Variants in ITFG2 observed in about 807,000 individuals in gnomAD.
ITFG2 encodes integrin alpha FG-GAP repeat containing 2.
A neutral mutation model predicts 54.4 loss-of-function variants in ITFG2; 36 were observed. That is an observed-to-expected ratio of 0.66 (90% CI 0.51 to 0.87). The LOEUF is 0.87. ITFG2 is among the 40% of genes least tolerant of loss of function. The pLI, the probability that ITFG2 is intolerant of heterozygous loss-of-function variation, is 0.00. For synonymous variants in ITFG2, 211 were observed against 225.4 expected (o/e 0.94, Z 0.57); for missense variants, 524 against 576.7 (o/e 0.91, Z 0.94).
chr12:2,853,552 C>T (rs1356975503), intron 2 of ITFG2, among the ~76,000 whole-genome samples: 8 of 151,942 alleles, frequency 5.3e-5, no homozygotes, highest in African/African-American at 1.7e-4. Context: ...GGATTACAGG[C>T]GTGAGCCACC....
downstream of ITFG2, chr12:2,830,979 C>G (rs2097999733): frequency 4.9e-6 from 5 of 1,020,018 alleles, no homozygotes; most frequent in East Asian, 1.3e-4. Flanking sequence ...CTGAGCCTTA[C>G]CCTAGGAGTT....
At chr12:2,855,031 ATGT>A in intron 2 of ITFG2, 2 of 1,535,998 alleles carry the variant, frequency 1.3e-6, no homozygotes, top group Admixed American at 3.9e-5. Flanking sequence ...CTTCCTTTTC[ATGT>A]CCACAAACGT....
At chr12:2,838,199 G>C (rs1021815029) in intron 1 of ITFG2, among the ~76,000 whole-genome samples, 3 of 152,138 alleles carry the variant, frequency 2.0e-5, no homozygotes, top group East Asian at 1.9e-4. Context: ...ATCTATAATT[G>C]ATAGATTATT....
chr12:2,835,016 G>C (rs372015047), upstream of ITFG2: 3 of 1,520,142 alleles, frequency 2.0e-6, no homozygotes, highest in African/African-American at 4.1e-5. Flanking sequence ...CCAATTTCCC[G>C]AGATTGCTGT....
rs2097911935 is a variant in ITFG2, at chr12:2,812,798, A to G, written c.38A>G (p.Glu13Gly). ...AGCTACGTGCAGCGCGTGGCGCTGG[A>G]GTTCAGCGGGAGCCTCTTCCCGCAC... is the stretch of plus-strand genomic sequence containing the variant. ...SVSYVQRVAL[E>G]FSGSLFPHAI... Residue 13 changes from glutamate (E) to glycine (G), a missense_variant, in exon 1 of 12, where the codon GAG becomes GGG. By Grantham distance (98) the Glu-to-Gly change is moderately conservative. Coordinates refer to ENST00000228799, the MANE Select transcript of ITFG2 (RefSeq NM_018463.4). The G allele has an allele frequency of 3.7e-6, 6 of 1,612,564 alleles. No homozygotes were observed. The highest frequency in any genetic ancestry group is 5.1e-6 in the Non-Finnish European group (6 of 1,178,846).
chr12:2,845,470 C>G lies in ITFG2; in HGVS notation n.300+4475C>G, dbSNP rs143806464. ...AAGCTCCCAGCAGCTCAGGAACTTG[C>G]GTCAGCAGCTCAGGTCATGACACCA... On this transcript the variant is annotated intron_variant and non_coding_transcript_variant, in intron 2 of 3. Transcript: ENST00000537710. This position sits in a 1 kb window ranked among gnomAD's most constrained non-coding sequence, Gnocchi z 4.2. 6.6e-6 allele frequency among the ~76,000 whole-genome samples: 1 copy of G among 152,064 alleles called. No individual in the cohort carries two copies. Among genetic ancestry groups the G allele is most frequent in the East Asian group, 1.9e-4 (1 of 5,182 alleles).
chr12:2,855,255 G>A (rs531686897), intron 2 of ITFG2: 157 of 1,510,088 alleles, frequency 1.0e-4, no homozygotes, highest in Middle Eastern at 3.4e-4. Flanking sequence ...TGTGCTGGGC[G>A]CCACCCTTCC....
chr12:2,834,736 C>T (rs142508945), upstream of ITFG2: 273 of 1,614,014 alleles, frequency 1.7e-4, 1 homozygote, highest in African/African-American at 2.5e-3. Context: ...TTTGAGCCGG[C>T]GCTGCTGGCT....
At chr12:2,830,800 C>G in intron 2 of ITFG2, 16 of 1,613,734 alleles carry the variant, frequency 9.9e-6, no homozygotes, top group Non-Finnish European at 1.4e-5. Context: ...CGGGGAGGCT[C>G]CCCCTGAAGC....
At chr12:2,840,104 CAAAA>C (rs59246625) in intron 1 of ITFG2, among the ~76,000 whole-genome samples, 1 of 104,870 alleles carries the variant, frequency 9.5e-6, no homozygotes, top group African/African-American at 3.5e-5. Context: ...TGAATCTAAC[CAAAA>C]AAAAAAAAAA....
chr12:2,840,088 G>A (rs1299291003), intron 1 of ITFG2, among the ~76,000 whole-genome samples: 1 of 146,708 alleles, frequency 6.8e-6, no homozygotes, highest in East Asian at 2.0e-4. Flanking sequence ...CCGCACATGT[G>A]CCCCCTGAAT....
intron 2 of ITFG2, among the ~76,000 whole-genome samples, chr12:2,844,426 C>T (rs146444725): frequency 3.8e-4 from 58 of 152,122 alleles, no homozygotes; most frequent in Non-Finnish European, 7.1e-4. Context: ...TAGCGGTGTG[C>T]GCTTGTAATC....
rs1050485752 is a variant in ITFG2 at position 2,830,482 on chromosome 12, A to G, written c.*60-352A>G. The stretch of plus-strand genomic sequence containing the variant: ...TAATTTAAGTATTGTATTTTGACCA[A>G]GGAAGGGGGGCAGAGTAATGGTGGT... On this transcript the variant is annotated intron_variant and NMD_transcript_variant, in intron 2 of 2. Coordinates refer to the ITFG2 transcript ENST00000538822. 1.2e-5 allele frequency: 6 copies of G among 485,772 alleles called. No homozygotes were observed. The Admixed American group carries it at 1.9e-4, about 16-fold the overall frequency. The allele number at this position is 485,772 out of a possible 1,614,324, so 30.1% of individuals were successfully genotyped here. A position where few individuals can be genotyped will look rare whatever the true frequency, so the allele number is the denominator to read the frequency against.
chr12:2,836,352 G>A (rs148239092), upstream of ITFG2, among the ~76,000 whole-genome samples: 325 of 152,264 alleles, frequency 2.1e-3, 2 homozygotes, highest in African/African-American at 7.5e-3. Flanking sequence ...GAAACGCATT[G>A]GCCAAGCACC....
exon 3 of ITFG2, chr12:2,830,886 G>T (rs2097998426): frequency 3.7e-6 from 6 of 1,606,848 alleles, no homozygotes; most frequent in Middle Eastern, 1.8e-4. Context: ...AACAATGAAG[G>T]TAGGCAGTTC....
At chr12:2,838,022 C>T (rs2098032694) in intron 1 of ITFG2, among the ~76,000 whole-genome samples, 1 of 152,152 alleles carries the variant, frequency 6.6e-6, no homozygotes, top group African/African-American at 2.4e-5. Flanking sequence ...AGATTTGCCC[C>T]ACCCAGAGCC....
intron 1 of ITFG2, among the ~76,000 whole-genome samples, chr12:2,813,747 G>A (rs765795608): frequency 2.6e-5 from 4 of 152,016 alleles, no homozygotes; most frequent in Non-Finnish European, 5.9e-5. Flanking sequence ...TTCCTTAACT[G>A]TCCTGTACTT....
At chr12:2,839,414 A>G (rs2098035821) in intron 1 of ITFG2, among the ~76,000 whole-genome samples, 1 of 152,062 alleles carries the variant, frequency 6.6e-6, no homozygotes, top group Admixed American at 6.5e-5. Flanking sequence ...CGTTAGGAGT[A>G]GAAGAAGTGA....
chr12:2,820,933 A>G (rs1367348327), intron 6 of ITFG2, 61 bp downstream of exon 6: 2 of 1,561,598 alleles, frequency 1.3e-6, no homozygotes, highest in African/African-American at 2.7e-5. Flanking sequence ...GGGCTCCCAG[A>G]TGCCACATGG....
Sources: gnomAD v4.1 joint callset for allele counts (sites outside exome capture counted in the v4.1 genomes callset) on GRCh38, gnomAD v4.1.1 for gene constraint, Gnocchi (gnomAD v3.1) non-coding constraint, MANE v1.5 for transcripts, NCBI Gene and HGNC (gene_info 2026-07-23, HGNC 2026-07-21) for gene names.